The following LYSMD2 variants were observed in gnomAD, a reference collection of about 807,000 sequenced individuals.
The protein encoded by LYSMD2 is LysM domain containing 2, also known as lysM and putative peptidoglycan-binding domain-containing protein 2.
In LYSMD2, 6 loss-of-function variants were observed where a neutral mutation model predicts 17.7. The ratio of observed to expected loss-of-function variants is 0.34; its 90% confidence interval spans 0.19 to 0.67. The LOEUF (loss-of-function observed/expected upper bound fraction) is 0.67, where lower values mean the gene tolerates loss of function less well. Among genes scored for constraint, LYSMD2 ranks in the 30% least tolerant of loss-of-function variants. The pLI, the probability that LYSMD2 is intolerant of heterozygous loss-of-function variation, is 0.69. For missense variants in LYSMD2, 237 were observed against 286.7 expected (o/e 0.83, Z 1.25); for synonymous variants, 102 against 129.8 (o/e 0.79, Z 1.45).
chr15:51,724,204 G>A (rs548751705), intron 2 of LYSMD2, among the ~76,000 whole-genome samples: 1 of 152,072 alleles, frequency 6.6e-6, no homozygotes, highest in East Asian at 1.9e-4. Flanking sequence ...AAGAAAAAAG[G>A]AAACCAATTC....
chr15:51,745,614 T>A (rs1363370555), intron 1 of LYSMD2, among the ~76,000 whole-genome samples: 1 of 151,880 alleles, frequency 6.6e-6, no homozygotes, highest in Non-Finnish European at 1.5e-5. Flanking sequence ...TAGCAAGGGA[T>A]GTTTACCAGT....
upstream of LYSMD2, among the ~76,000 whole-genome samples, chr15:51,739,880 T>A (rs529421789): frequency 3.9e-5 from 6 of 152,240 alleles, no homozygotes; most frequent in East Asian, 1.2e-3. Flanking sequence ...TAAGCAGAGA[T>A]CATGCCACTG....
At position 51,737,258 on chromosome 15, in the gene LYSMD2, G is replaced by A. The variant is rs1355024389; in HGVS notation, c.273+92C>T. ...CTCCCCATCCCCCAAACCCCCACCC[G>A]CAGTCCCACCCCCACCCCCACCGCA... is the stretch of plus-strand genomic sequence containing the variant. On this transcript the variant is annotated intron_variant, in intron 1 of 2. Coordinates refer to ENST00000267838, the MANE Select transcript of LYSMD2 (RefSeq NM_153374.3). This position sits in a 1 kb window ranked among gnomAD's most constrained non-coding sequence, Gnocchi z 4.2. The A allele has an allele frequency of 1.6e-5, 1 of 63,044 alleles. No homozygotes were observed. Among genetic ancestry groups the A allele is most frequent in the Non-Finnish European group, 3.1e-5 (1 of 32,088 alleles). 3.9% of individuals were successfully genotyped at this position (63,044 alleles called of 1,614,324 possible).
At chr15:51,732,128 C>T (rs191205592) in intron 1 of LYSMD2, among the ~76,000 whole-genome samples, 42 of 152,274 alleles carry the variant, frequency 2.8e-4, no homozygotes, top group Non-Finnish European at 4.0e-4. Flanking sequence ...CCAGCAAGGG[C>T]AGCAGTCTTT....
intron 1 of LYSMD2, among the ~76,000 whole-genome samples, chr15:51,731,149 A>T (rs947688078): frequency 6.6e-6 from 1 of 152,218 alleles, no homozygotes; most frequent in Non-Finnish European, 1.5e-5. Flanking sequence ...TCTACCACTG[A>T]ATTCCAACAA....
At chr15:51,740,390 G>C (rs2055637029), upstream of LYSMD2, among the ~76,000 whole-genome samples, 1 of 152,200 alleles carries the variant, frequency 6.6e-6, no homozygotes, top group South Asian at 2.1e-4. Flanking sequence ...CTACAACATA[G>C]AAGTTCATCA....
chr15:51,734,011 T>C (rs560417057), intron 1 of LYSMD2, among the ~76,000 whole-genome samples: 1 of 152,166 alleles, frequency 6.6e-6, no homozygotes, highest in Admixed American at 6.5e-5. Flanking sequence ...AGTGAAACCC[T>C]ATCTCTACTA....
At chr15:51,725,920 G>A (rs7175121) in intron 1 of LYSMD2, among the ~76,000 whole-genome samples, 10,971 of 152,060 alleles carry the variant, frequency 0.072, 489 homozygotes, top group African/African-American at 0.12. Context: ...GTCTGACTCC[G>A]AAGTCCGTAC....
At chr15:51,744,099 T>G (rs2141602816) in intron 1 of LYSMD2, among the ~76,000 whole-genome samples, 1 of 152,308 alleles carries the variant, frequency 6.6e-6, no homozygotes, top group East Asian at 1.9e-4. Flanking sequence ...AAAGACAGTT[T>G]TATTTCTTCC....
chr15:51,743,550 G>T (rs2055653215), intron 1 of LYSMD2, among the ~76,000 whole-genome samples: 1 of 152,186 alleles, frequency 6.6e-6, no homozygotes, highest in East Asian at 1.9e-4. Flanking sequence ...AAGTCTTAAA[G>T]TTGGGTAAGT....
At chr15:51,725,616 A>G (rs900063656) in intron 1 of LYSMD2, among the ~76,000 whole-genome samples, 1 of 152,314 alleles carries the variant, frequency 6.6e-6, no homozygotes, top group Non-Finnish European at 1.5e-5. Flanking sequence ...TGTGTAAAAC[A>G]GGTACCATCT....
At chr15:51,735,752 A>G (rs775177835) in intron 1 of LYSMD2, among the ~76,000 whole-genome samples, 31 of 152,272 alleles carry the variant, frequency 2.0e-4, no homozygotes, top group Admixed American at 7.2e-4. Flanking sequence ...AAACAGATGT[A>G]TAAGAGTTAT....
rs1031213930 is a variant in LYSMD2, at chr15:51,724,319, T to C, written c.605+471A>G. Among the ~76,000 whole-genome samples, 4 of 152,188 alleles carry C rather than the reference T, an allele frequency of 2.6e-5. No individual in the cohort carries two copies. In the East Asian group the frequency reaches 7.7e-4, roughly 29 times the overall value. ...ACACCCAGTAACAAATAACAGACAA[T>C]GTCTTTGACAAGTTTTGCAACTATC... On this transcript the variant is annotated intron_variant, in intron 2 of 2. Transcript: ENST00000267838.
At chr15:51,740,544 G>T (rs1469558858), upstream of LYSMD2, among the ~76,000 whole-genome samples, 1 of 152,152 alleles carries the variant, frequency 6.6e-6, no homozygotes, top group African/African-American at 2.4e-5. Context: ...AGATTGAAAA[G>T]AAATCAGCTG....
In LYSMD2 at chr15:51,723,516, T is replaced by C; in HGVS notation, c.*91A>G. 1.9e-6 allele frequency: 2 copies of C among 1,038,186 alleles called. No individual in the cohort carries two copies. Among genetic ancestry groups the C allele is most frequent in the South Asian group, 1.3e-5 (1 of 78,660 alleles). The allele number at this position is 1,038,186 out of a possible 1,614,324, so 64.3% of individuals were successfully genotyped here. On this transcript the variant is annotated 3_prime_UTR_variant, in exon 3 of 3. Transcript: ENST00000267838. ...GATTTTAAGATGGACACTATAGGAA[T>C]CCAGAAGGGATGTTTTTGAATCTTC... is the stretch of plus-strand genomic sequence containing the variant.
At chr15:51,725,930 C>A (rs2055537269) in intron 1 of LYSMD2, among the ~76,000 whole-genome samples, 1 of 152,092 alleles carries the variant, frequency 6.6e-6, no homozygotes, top group South Asian at 2.1e-4. Context: ...GAAGTCCGTA[C>A]AACATCTGAA....
At chr15:51,728,393 G>GT (rs1321915217) in intron 1 of LYSMD2, among the ~76,000 whole-genome samples, 90 of 112,844 alleles carry the variant, frequency 8.0e-4, no homozygotes, top group South Asian at 2.8e-3. Flanking sequence ...TACTCCAGGA[G>GT]AAAACACACA....
At chr15:51,740,571 G>C (rs965457113), upstream of LYSMD2, among the ~76,000 whole-genome samples, 3 of 147,060 alleles carry the variant, frequency 2.0e-5, no homozygotes, top group African/African-American at 7.6e-5. Flanking sequence ...ACAGATAGTA[G>C]GCAATACTAA....
In LYSMD2 at chr15:51,723,314, T is replaced by C. The variant is rs1186243541; in HGVS notation, c.*293A>G. On this transcript the variant is annotated 3_prime_UTR_variant, in exon 3 of 3. Coordinates refer to ENST00000267838, the MANE Select transcript of LYSMD2 (RefSeq NM_153374.3). ...GCCTAAATATATAAATAATCTTTGA[T>C]GCTTTATGTCAATTAGTATTTATAA... The C allele has an allele frequency of 1.4e-5, 4 of 285,676 alleles. No individual in the cohort carries two copies. In the East Asian group the frequency reaches 3.0e-4, roughly 22 times the overall value. The allele number at this position is 285,676 out of a possible 1,614,324, so 17.7% of individuals were successfully genotyped here.
Sources: gnomAD v4.1 joint callset for allele counts (sites outside exome capture counted in the v4.1 genomes callset) on GRCh38, gnomAD v4.1.1 for gene constraint, Gnocchi (gnomAD v3.1) non-coding constraint, MANE v1.5 for transcripts, NCBI Gene and HGNC (gene_info 2026-07-23, HGNC 2026-07-21) for gene names.